The following FAR1 variants were observed in gnomAD, a reference collection of about 807,000 sequenced individuals.
The protein encoded by FAR1 is fatty acyl-CoA reductase 1.
FAR1 carries 22 observed loss-of-function variants against 61.1 expected under a neutral mutation model. That is an observed-to-expected ratio of 0.36 (90% confidence interval 0.26 to 0.51). The LOEUF is 0.51. Ranked by LOEUF, FAR1 falls within the 20% of genes least tolerant of loss-of-function variation. The pLI is 0.95. For missense variants in FAR1, 359 were observed against 626.9 expected, an observed-to-expected ratio of 0.57 and a Z score of 4.56; for synonymous variants, 206 against 209.7, an observed-to-expected ratio of 0.98 and a Z score of 0.15.
intron 1 of FAR1, among the ~76,000 whole-genome samples, chr11:13,683,295 AG>A (rs774107249): frequency 2.0e-4 from 31 of 151,872 alleles, no homozygotes; most frequent in Non-Finnish European, 8.8e-5. Flanking sequence ...TGGGTGGTTG[AG>A]GTAGGAGAAT....
chr11:13,687,751 C>T (rs1057373742), intron 1 of FAR1, among the ~76,000 whole-genome samples: 1 of 152,104 alleles, frequency 6.6e-6, no homozygotes, highest in Non-Finnish European at 1.5e-5. Flanking sequence ...TTGTCATATA[C>T]ACCATGGAAT....
chr11:13,689,608 T>C (rs949606634), intron 1 of FAR1, among the ~76,000 whole-genome samples: 2 of 152,228 alleles, frequency 1.3e-5, no homozygotes, highest in Non-Finnish European at 2.9e-5. Flanking sequence ...TACTTGCTTG[T>C]TCTTTTGATG....
intron 2 of FAR1, among the ~76,000 whole-genome samples, chr11:13,696,921 G>A (rs1267307910): frequency 6.6e-6 from 1 of 152,140 alleles, no homozygotes. Context: ...CTTATAGCAG[G>A]GTTTCTCAGC....
intron 3 of FAR1, among the ~76,000 whole-genome samples, chr11:13,701,831 G>A (rs926999103): frequency 6.6e-6 from 1 of 152,064 alleles, no homozygotes. Flanking sequence ...TCCATTGTAC[G>A]CTTGAGGAAG....
chr11:13,706,345 C>G (rs1375084299), intron 3 of FAR1, among the ~76,000 whole-genome samples: 1 of 152,048 alleles, frequency 6.6e-6, no homozygotes, highest in Non-Finnish European at 1.5e-5. Flanking sequence ...AACAGGTTAA[C>G]TAGATTAATA....
At chr11:13,715,066 A>G (rs934722103) in intron 9 of FAR1, among the ~76,000 whole-genome samples, 1 of 152,166 alleles carries the variant, frequency 6.6e-6, no homozygotes, top group African/African-American at 2.4e-5. Context: ...AGCCTATCGC[A>G]TCATTATCGG....
At chr11:13,688,162 G>T (rs1205052493) in intron 1 of FAR1, among the ~76,000 whole-genome samples, 1 of 151,370 alleles carries the variant, frequency 6.6e-6, no homozygotes, top group South Asian at 2.1e-4. Flanking sequence ...AATAAAATGA[G>T]TCTCTTGTTG....
At chr11:13,689,693 G>T (rs1848226502) in intron 1 of FAR1, among the ~76,000 whole-genome samples, 1 of 151,996 alleles carries the variant, frequency 6.6e-6, no homozygotes, top group Admixed American at 6.6e-5. Context: ...TGAATGTTCA[G>T]CTTTAGTGGG....
chr11:13,688,646 A>G (rs780593141), intron 1 of FAR1, among the ~76,000 whole-genome samples: 3 of 152,114 alleles, frequency 2.0e-5, no homozygotes, highest in Non-Finnish European at 4.4e-5. Context: ...TTGTTGAATA[A>G]ATTTTTACAT....
intron 1 of FAR1, among the ~76,000 whole-genome samples, chr11:13,679,579 TACCCTA>T (rs1848103466): frequency 6.6e-6 from 1 of 152,174 alleles, no homozygotes; most frequent in African/African-American, 2.4e-5. Context: ...GTAGAGAAGT[TACCCTA>T]CTGGTTCTGG....
intron 1 of FAR1, among the ~76,000 whole-genome samples, chr11:13,674,363 A>G (rs186706021): frequency 6.6e-6 from 1 of 152,130 alleles, no homozygotes; most frequent in East Asian, 1.9e-4. Context: ...GAATCAGCAG[A>G]TCTGAGCTTT....
At chr11:13,711,514 C>G (rs185659841) in intron 5 of FAR1, among the ~76,000 whole-genome samples, 1 of 152,082 alleles carries the variant, frequency 6.6e-6, no homozygotes, top group Admixed American at 6.6e-5. Flanking sequence ...ATAAATTTCT[C>G]TTTGCAGAGA....
chr11:13,688,834 AT>A (rs910896606), intron 1 of FAR1, among the ~76,000 whole-genome samples: 1 of 151,760 alleles, frequency 6.6e-6, no homozygotes, highest in Non-Finnish European at 1.5e-5. Context: ...TTATTTATTT[AT>A]TTTTTTTAAG....
intron 3 of FAR1, among the ~76,000 whole-genome samples, chr11:13,703,160 G>T (rs1848395572): frequency 1.3e-5 from 2 of 150,836 alleles, no homozygotes; most frequent in Admixed American, 1.3e-4. Context: ...TCGTATGAAA[G>T]AATTACTGTT....
At chr11:13,697,218 G>C (rs758291168) in intron 2 of FAR1, among the ~76,000 whole-genome samples, 2 of 152,066 alleles carry the variant, frequency 1.3e-5, no homozygotes, top group African/African-American at 2.4e-5. Context: ...CCAGCACTTT[G>C]GGAGGCCACG....
chr11:13,685,282 G>A (rs1848173476), intron 1 of FAR1, among the ~76,000 whole-genome samples: 1 of 151,124 alleles, frequency 6.6e-6, no homozygotes. Flanking sequence ...TTAACTACCT[G>A]ATTTTTTTTT....
At chr11:13,681,383 T>G (rs1848125315) in intron 1 of FAR1, among the ~76,000 whole-genome samples, 1 of 152,226 alleles carries the variant, frequency 6.6e-6, no homozygotes, top group African/African-American at 2.4e-5. Context: ...CTAAGGATGG[T>G]TGCAACAGTA....
intron 1 of FAR1, among the ~76,000 whole-genome samples, chr11:13,673,371 C>T (rs1374030035): frequency 6.6e-6 from 1 of 152,212 alleles, no homozygotes; most frequent in Non-Finnish European, 1.5e-5. Context: ...ACATTTGATT[C>T]TCATATAATT....
chr11:13,687,538 G>A (rs559836050), intron 1 of FAR1, among the ~76,000 whole-genome samples: 107 of 152,280 alleles, frequency 7.0e-4, no homozygotes, highest in Middle Eastern at 6.8e-3. Context: ...TGCTTTTCTA[G>A]TTGCTTCTGG....
Sources: gnomAD v4.1 joint callset for allele counts (sites outside exome capture counted in the v4.1 genomes callset) on GRCh38, gnomAD v4.1.1 for gene constraint, MANE v1.5 for transcripts, NCBI Gene and HGNC (gene_info 2026-07-23, HGNC 2026-07-21) for gene names.